ANKRD11: variants seen among roughly 807,000 people sequenced by gnomAD.
ANKRD11 encodes the protein ankyrin repeat domain 11.
ANKRD11 carries 17 observed loss-of-function variants against 195.7 expected under a neutral mutation model. The observed-to-expected ratio is 0.09, with a 90% CI of 0.06 to 0.13. The LOEUF (loss-of-function observed/expected upper bound fraction) is 0.13. ANKRD11 is among the 10% of genes least tolerant of loss of function. The pLI, the probability that ANKRD11 is intolerant of heterozygous loss-of-function variation, is 1.00. For synonymous variants in ANKRD11, 1,953 were observed against 1,528.1 expected, an observed-to-expected ratio of 1.28 and a Z score of -6.49; for missense variants, 3,735 against 3,566.1, an observed-to-expected ratio of 1.05 and a Z score of -1.21.
chr16:89,316,731 T>C lies in ANKRD11; in HGVS notation c.87+202A>G, dbSNP rs116675469. 7.4e-3 allele frequency among the ~76,000 whole-genome samples: 1,120 copies of C among 152,182 alleles called. 12 individuals are homozygous for C. The highest frequency in any genetic ancestry group is 0.026 in the African/African-American group (1,079 of 41,508). Reference sequence around the variant, plus strand: ...GCTATTATTTAACGCTTGACTTCGGTCCCCAAATAACAAATACAAAAAAAG... The same window carrying C: ...GCTATTATTTAACGCTTGACTTCGGCCCCCAAATAACAAATACAAAAAAAG... On this transcript the variant is annotated intron_variant, in intron 3 of 12. Transcript: ENST00000301030.
At chr16:89,420,696 C>G (rs1389253929) in intron 1 of ANKRD11, among the ~76,000 whole-genome samples, 4 of 152,144 alleles carry the variant, frequency 2.6e-5, no homozygotes, top group Non-Finnish European at 5.9e-5. Flanking sequence ...TCCAGAGCCT[C>G]TAAAATATTT....
chr16:89,474,408 G>A (rs562998971), intron 1 of ANKRD11, among the ~76,000 whole-genome samples: 26 of 151,436 alleles, frequency 1.7e-4, no homozygotes, highest in African/African-American at 6.1e-4. Context: ...ACTGAGCCCA[G>A]GACCTTGAGA....
chr16:89,278,903 G>A (rs776099690), intron 9 of ANKRD11, 169 bp downstream of exon 9: 17 of 1,170,028 alleles, frequency 1.5e-5, no homozygotes, highest in South Asian at 7.9e-5. Flanking sequence ...GGCAGCTTCC[G>A]GCTTTTGCCT....
chr16:89,424,086 A>T (rs1486059450), intron 1 of ANKRD11, among the ~76,000 whole-genome samples: 1 of 151,992 alleles, frequency 6.6e-6, no homozygotes, highest in Non-Finnish European at 1.5e-5. Context: ...GAGGAGATAA[A>T]CTACCTGCTG....
chr16:89,313,222 T>C lies in ANKRD11; in HGVS notation c.87+3711A>G, dbSNP rs918579468. On this transcript the variant is annotated intron_variant, in intron 3 of 12. Transcript: ENST00000301030. ...CTGCCTGTGCTCTGAGTGGCGTGCA[T>C]GGAGCACAATGAGACAGGGTGACTG... is the stretch of plus-strand genomic sequence containing the variant. 5.1e-5 allele frequency: 61 copies of C among 1,190,768 alleles called. No homozygotes were observed. In the East Asian group the frequency reaches 5.8e-4, roughly 11 times the overall value. 73.8% of individuals were successfully genotyped at this position (1,190,768 alleles called of 1,614,324 possible). A position where few individuals can be genotyped will look rare whatever the true frequency, so the allele number is the denominator to read the frequency against.
intron 1 of ANKRD11, among the ~76,000 whole-genome samples, chr16:89,432,600 C>G (rs1303238367): frequency 6.6e-6 from 1 of 152,166 alleles, no homozygotes; most frequent in African/African-American, 2.4e-5. Context: ...CCTTATACTT[C>G]TCAATATTCT....
At chr16:89,354,652 C>A (rs2039387138) in intron 2 of ANKRD11, among the ~76,000 whole-genome samples, 1 of 152,174 alleles carries the variant, frequency 6.6e-6, no homozygotes. Context: ...GAGGCCGAGG[C>A]AGGTGAATCA....
intron 3 of ANKRD11, among the ~76,000 whole-genome samples, chr16:89,310,336 T>C (rs933886452): frequency 3.9e-5 from 6 of 152,268 alleles, no homozygotes; most frequent in African/African-American, 1.4e-4. Flanking sequence ...CACTACCTCA[T>C]GCCTGTAGCT....
intron 2 of ANKRD11, among the ~76,000 whole-genome samples, chr16:89,405,244 G>A (rs1010144839): frequency 1.3e-5 from 2 of 152,114 alleles, no homozygotes; most frequent in African/African-American, 4.8e-5. Flanking sequence ...CACATATGCG[G>A]TCTGTTGTGG....
At chr16:89,403,063 G>A (rs1431548368) in intron 2 of ANKRD11, among the ~76,000 whole-genome samples, 3 of 152,146 alleles carry the variant, frequency 2.0e-5, no homozygotes, top group African/African-American at 4.8e-5. Flanking sequence ...GCGTGGTGGC[G>A]GGTGGCCTGG....
chr16:89,340,767 G>A (rs994632145), intron 2 of ANKRD11, among the ~76,000 whole-genome samples: 1 of 152,312 alleles, frequency 6.6e-6, no homozygotes, highest in Admixed American at 6.5e-5. Flanking sequence ...CTTGGAAGAG[G>A]CACAAGGGCC....
At chr16:89,425,052 C>T (rs916677186) in intron 1 of ANKRD11, among the ~76,000 whole-genome samples, 2 of 150,620 alleles carry the variant, frequency 1.3e-5, no homozygotes, top group Non-Finnish European at 2.9e-5. Flanking sequence ...TCAAGGATTT[C>T]TTACAACAAA....
intron 1 of ANKRD11, among the ~76,000 whole-genome samples, chr16:89,435,333 A>C (rs1324019069): frequency 2.6e-5 from 4 of 152,176 alleles, no homozygotes; most frequent in Non-Finnish European, 5.9e-5. Flanking sequence ...GGGCCGAATA[A>C]GGGAATAAAA....
chr16:89,278,750 A>T (rs1014676024), intron 9 of ANKRD11: 2 of 538,566 alleles, frequency 3.7e-6, no homozygotes, highest in Non-Finnish European at 7.1e-6. Context: ...GTGGACGGGG[A>T]GTGGAGAGGG....
chr16:89,431,797 G>C (rs1054860921), intron 1 of ANKRD11, among the ~76,000 whole-genome samples: 1 of 152,152 alleles, frequency 6.6e-6, no homozygotes, highest in Admixed American at 6.5e-5. Context: ...CTGTCAATCA[G>C]AGACAATGTT....
intron 1 of ANKRD11, among the ~76,000 whole-genome samples, chr16:89,447,037 T>C (rs1481744725): frequency 6.6e-6 from 1 of 152,032 alleles, no homozygotes; most frequent in Non-Finnish European, 1.5e-5. Context: ...ACCAACTGAA[T>C]GCCTGCCATC....
At chr16:89,366,197 T>G (rs2039944005) in intron 2 of ANKRD11, among the ~76,000 whole-genome samples, 1 of 151,956 alleles carries the variant, frequency 6.6e-6, no homozygotes, top group Non-Finnish European at 1.5e-5. Context: ...TTCCACGGTG[T>G]ATATGCACCA....
intron 2 of ANKRD11, among the ~76,000 whole-genome samples, chr16:89,335,128 A>G (rs2038280921): frequency 6.6e-6 from 1 of 152,110 alleles, no homozygotes; most frequent in African/African-American, 2.4e-5. Flanking sequence ...ATCAGGACAC[A>G]CCCTGATGCC....
At chr16:89,287,196 C>T in intron 7 of ANKRD11, 1 of 1,003,858 alleles carries the variant, frequency 1.0e-6, no homozygotes, top group Non-Finnish European at 1.3e-6. Context: ...ACTCCTCGGC[C>T]CTCCTCTAAG....
Sources: allele counts gnomAD v4.1 joint callset (sites outside exome capture counted in the v4.1 genomes callset), GRCh38; gene constraint gnomAD v4.1.1; transcripts MANE v1.5; gene names NCBI Gene and HGNC (gene_info 2026-07-23, HGNC 2026-07-21).